The following SAMSN1 variants were observed in gnomAD, a reference collection of about 807,000 sequenced individuals.
SAMSN1 encodes SAM domain-containing protein SAMSN-1.
In SAMSN1, 31 loss-of-function variants were observed where a neutral mutation model predicts 42.0. That is an observed-to-expected ratio of 0.74 (90% CI 0.55 to 1.00). SAMSN1 has a LOEUF of 1.00. Ranked by LOEUF, SAMSN1 falls within the 50% of genes least tolerant of loss-of-function variation. The probability of loss-of-function intolerance (pLI) is 0.00; values close to 1 mark genes in which losing one functional copy is unlikely to be tolerated. For missense variants in SAMSN1, 464 were observed against 439.4 expected (o/e 1.06, Z -0.50); for synonymous variants, 178 against 151.9 (o/e 1.17, Z -1.26).
intron 7 of SAMSN1, among the ~76,000 whole-genome samples, chr21:14,492,983 CCCAGGCTATG>C (rs766618807): frequency 1.2e-4 from 18 of 152,296 alleles, no homozygotes; most frequent in South Asian, 4.1e-4. Context: ...AGGGGCTAGG[CCCAGGCTATG>C]CTGGCACACT....
At chr21:14,579,110 T>C (rs1981612852) in intron 2 of SAMSN1, among the ~76,000 whole-genome samples, 1 of 152,184 alleles carries the variant, frequency 6.6e-6, no homozygotes, top group Non-Finnish European at 1.5e-5. Flanking sequence ...ACAAAAATAA[T>C]AATTTGCACT....
intron 1 of SAMSN1, among the ~76,000 whole-genome samples, chr21:14,524,664 C>T (rs980596559): frequency 1.3e-5 from 2 of 152,156 alleles, no homozygotes; most frequent in Non-Finnish European, 2.9e-5. Context: ...TCCATATTCA[C>T]TGTAGCACTT....
intron 5 of SAMSN1, among the ~76,000 whole-genome samples, chr21:14,607,846 C>T (rs557102754): frequency 1.3e-5 from 2 of 152,160 alleles, no homozygotes; most frequent in Non-Finnish European, 2.9e-5. Flanking sequence ...CACCATTATA[C>T]CTTCTTTATC....
At chr21:14,577,264 ATATATATATATATATATATAT>A (rs1465551626) in intron 2 of SAMSN1, among the ~76,000 whole-genome samples, 1 of 43,352 alleles carries the variant, frequency 2.3e-5, no homozygotes, top group Non-Finnish European at 4.1e-5. Context: ...ATATATATAT[ATATATATATATATATATATAT>A]TTTTTTTTTA....
intron 1 of SAMSN1, among the ~76,000 whole-genome samples, chr21:14,544,024 A>G (rs1435789312): frequency 2.0e-5 from 3 of 152,168 alleles, no homozygotes; most frequent in Non-Finnish European, 4.4e-5. Flanking sequence ...TTTTATTTGT[A>G]GGGATTATCA....
At chr21:14,645,756 T>G (rs1983701390) in intron 1 of SAMSN1, among the ~76,000 whole-genome samples, 1 of 151,998 alleles carries the variant, frequency 6.6e-6, no homozygotes, top group Admixed American at 6.6e-5. Flanking sequence ...CAAAAGAAAT[T>G]CAAAATAACA....
chr21:14,493,114 G>T (rs1027213185), intron 7 of SAMSN1, among the ~76,000 whole-genome samples: 1 of 152,090 alleles, frequency 6.6e-6, no homozygotes, highest in African/African-American at 2.4e-5. Flanking sequence ...ATCGACTTGG[G>T]CAGGCAGGCA....
chr21:14,538,224 A>G (rs1979759690), intron 1 of SAMSN1, among the ~76,000 whole-genome samples: 1 of 152,186 alleles, frequency 6.6e-6, no homozygotes, highest in Non-Finnish European at 1.5e-5. Flanking sequence ...TAAATCTAAC[A>G]TATTACCTAC....
Position 14,499,688 on chromosome 21 carries a change from A to G in SAMSN1, c.768+841T>C, listed in dbSNP as rs138010013. ...TCTCACAGGTCACACAATGAACAAG[A>G]TTCAGAGGCAAGATGCTAACCCGTA... On this transcript the variant is annotated intron_variant, in intron 6 of 7. Transcript: ENST00000400566. Among the ~76,000 whole-genome samples the G allele has an allele frequency of 1.6e-3, 249 of 152,274 alleles. 1 individual carries two copies. The highest frequency in any genetic ancestry group is 4.7e-3 in the African/African-American group (195 of 41,576).
At chr21:14,603,341 T>C (rs993752448) in intron 5 of SAMSN1, among the ~76,000 whole-genome samples, 1 of 152,210 alleles carries the variant, frequency 6.6e-6, no homozygotes, top group Non-Finnish European at 1.5e-5. Context: ...GAAAATAAGA[T>C]ACGAATATGT....
chr21:14,597,260 G>A (rs1982295718), intron 6 of SAMSN1, among the ~76,000 whole-genome samples: 1 of 151,940 alleles, frequency 6.6e-6, no homozygotes, highest in Non-Finnish European at 1.5e-5. Flanking sequence ...TTTCTCCAGT[G>A]ACCCAGCGTT....
At chr21:14,608,698 G>A (rs1982626714) in intron 5 of SAMSN1, among the ~76,000 whole-genome samples, 1 of 152,134 alleles carries the variant, frequency 6.6e-6, no homozygotes, top group African/African-American at 2.4e-5. Context: ...AGAGGACACA[G>A]GAGAGTGAAA....
intron 1 of SAMSN1, among the ~76,000 whole-genome samples, chr21:14,529,154 T>C (rs1310156563): frequency 1.3e-5 from 2 of 152,232 alleles, no homozygotes; most frequent in Admixed American, 1.3e-4. Flanking sequence ...AAGCTTTTGC[T>C]CCTACTGTTT....
At chr21:14,646,017 A>G (rs558142725) in intron 1 of SAMSN1, among the ~76,000 whole-genome samples, 1 of 152,344 alleles carries the variant, frequency 6.6e-6, no homozygotes, top group Non-Finnish European at 1.5e-5. Flanking sequence ...TACAGGATCT[A>G]GAAAATTGCC....
At chr21:14,537,535 C>T (rs766436622) in intron 1 of SAMSN1, among the ~76,000 whole-genome samples, 7 of 151,968 alleles carry the variant, frequency 4.6e-5, no homozygotes, top group East Asian at 1.9e-4. Context: ...ACATTTGTTG[C>T]GTTGAAGGAT....
chr21:14,607,383 T>C (rs959765555), intron 5 of SAMSN1, among the ~76,000 whole-genome samples: 1 of 152,232 alleles, frequency 6.6e-6, no homozygotes, highest in Non-Finnish European at 1.5e-5. Context: ...AATTTGAGCC[T>C]ACAACTTGTG....
intron 2 of SAMSN1, among the ~76,000 whole-genome samples, chr21:14,618,932 T>C (rs1486648860): frequency 6.6e-6 from 1 of 152,130 alleles, no homozygotes; most frequent in African/African-American, 2.4e-5. Flanking sequence ...TTTATTTTTC[T>C]CCCTAGCAAT....
intron 2 of SAMSN1, among the ~76,000 whole-genome samples, chr21:14,635,990 G>A (rs1983458807): frequency 6.6e-6 from 1 of 152,034 alleles, no homozygotes; most frequent in South Asian, 2.1e-4. Context: ...GCCCTGGTGT[G>A]TGATGTTCCC....
intron 7 of SAMSN1, among the ~76,000 whole-genome samples, chr21:14,593,178 T>G (rs2123277798): frequency 6.6e-6 from 1 of 152,234 alleles, no homozygotes; most frequent in East Asian, 1.9e-4. Flanking sequence ...AAGAGAGAGC[T>G]ATAAATAAAG....
Sources: allele counts gnomAD v4.1 joint callset (sites outside exome capture counted in the v4.1 genomes callset), GRCh38; gene constraint gnomAD v4.1.1; transcripts MANE v1.5; gene names NCBI Gene and HGNC (gene_info 2026-07-23, HGNC 2026-07-21).